DNAH1: variants seen among roughly 807,000 people sequenced by gnomAD.
The protein encoded by DNAH1 is dynein axonemal heavy chain 1, also known as axonemal beta dynein heavy chain 1.
In DNAH1, 327 loss-of-function variants were observed where a neutral mutation model predicts 484.3. That is an observed-to-expected ratio of 0.68 (90% CI 0.62 to 0.74). The LOEUF (loss-of-function observed/expected upper bound fraction) is 0.74. DNAH1 is among the 30% of genes least tolerant of loss of function. DNAH1 has a pLI of 0.00. For missense variants in DNAH1, 5,052 were observed against 5,546.8 expected, an observed-to-expected ratio of 0.91 and a Z score of 2.83; for synonymous variants, 2,192 against 2,191.9, an observed-to-expected ratio of 1.00 and a Z score of 0.00.
chr3:52,382,198 T>C (rs1040150377), intron 49 of DNAH1, 122 bp from the exon 50 acceptor site: 2 of 1,519,580 alleles, frequency 1.3e-6, no homozygotes, highest in Admixed American at 1.8e-5. Context: ...CTGAAGGGTC[T>C]GCAGGTCTGC....
rs1469583873 is a variant in DNAH1, at chr3:52,385,325, C to T, written c.8515-12C>T. 1.3e-6 allele frequency: 2 copies of T among 1,551,376 alleles called. No homozygotes were observed. Among genetic ancestry groups the T allele is most frequent in the Non-Finnish European group, 1.7e-6 (2 of 1,146,704 alleles). ...GCCACACCTGTTTTCCTGTCTCTGC[C>T]CTGACCCCTAGCTGCTGCGCACTTC... On this transcript the variant is annotated splice_polypyrimidine_tract_variant and intron_variant, in intron 53 of 77. Transcript: ENST00000420323.
In DNAH1 at chr3:52,326,346, G is replaced by A. The variant is rs199966822; in HGVS notation, c.581+32G>A. ...CTGGGTGGGCTGTGGGGAGACTGTC[G>A]GGGAGGTGGCATCCACCCGCCTCAG... On this transcript the variant is annotated intron_variant, in intron 4 of 77. Coordinates refer to ENST00000420323, the MANE Select transcript of DNAH1 (RefSeq NM_015512.5). 7.8e-3 allele frequency: 12,362 copies of A among 1,585,854 alleles called. 56 individuals carry two copies. Among genetic ancestry groups the A allele is most frequent in the Non-Finnish European group, 9.7e-3 (11,297 of 1,170,562 alleles).
Position 52,368,685 on chromosome 3 carries a change from G to C in DNAH1, c.5766-56G>C, listed in dbSNP as rs988542728. 6.7e-5 allele frequency: 106 copies of C among 1,571,958 alleles called. No individual in the cohort carries two copies. Among genetic ancestry groups the C allele is most frequent in the Non-Finnish European group, 8.7e-5 (100 of 1,151,752 alleles). ...GGCCAGGCTTCCCTGGGAGCCAGCT[G>C]TGCTCGAAGCACCGCCTCCCTGATG... On this transcript the variant is annotated intron_variant, in intron 36 of 77. Transcript: ENST00000420323. The surrounding 1 kb of genome is among the most constrained non-coding windows in gnomAD (Gnocchi z 4.4).
chr3:52,311,259 G>C, the DNAH1 span, among the ~76,000 whole-genome samples: 1 of 152,216 alleles, frequency 6.6e-6, no homozygotes, highest in Non-Finnish European at 1.5e-5. Context: ...GCCTCCAGGA[G>C]GTCTGGCTCT....
chr3:52,388,741 G>C (rs776382983), intron 58 of DNAH1, 65 bp from the exon 59 acceptor site: 3 of 1,606,428 alleles, frequency 1.9e-6, no homozygotes, highest in Non-Finnish European at 2.5e-6. Flanking sequence ...GCCACAGTGG[G>C]TAGGGCCAGC....
chr3:52,381,713 T>C lies in DNAH1; in HGVS notation c.7682T>C (p.Phe2561Ser). The C allele has an allele frequency of 6.2e-7, 1 of 1,606,720 alleles. No homozygotes were observed. Among genetic ancestry groups the C allele is most frequent in the Non-Finnish European group, 8.5e-7 (1 of 1,177,216 alleles). ...INTAKLKLVL[F>S]MDAMSHICRI... ...ACGGCCAAGCTGAAGCTGGTCCTCT[T>C]CATGGACGCCATGAGCCACATCTGT... The change falls in exon 49 of 78, where the codon TTC (phenylalanine) becomes TCC (serine). Residue 2561 changes from phenylalanine (F) to serine (S), a missense_variant. Physicochemically the swap from Phe to Ser is radical, Grantham distance 155. Transcript: ENST00000420323. The surrounding 1 kb of genome is among the most constrained non-coding windows in gnomAD (Gnocchi z 4.1).
At chr3:52,392,376 A>C in intron 63 of DNAH1, 88 bp from the exon 64 acceptor site, 1 of 1,235,234 alleles carries the variant, frequency 8.1e-7, no homozygotes, top group Non-Finnish European at 1.2e-6. Flanking sequence ...GGAGCCCCAG[A>C]AGCACAGGTG....
In DNAH1 at chr3:52,353,660, A is replaced by T. The variant is rs1224773327; in HGVS notation, c.3480+27A>T. On this transcript the variant is annotated intron_variant, in intron 20 of 77. Transcript: ENST00000420323. The surrounding 1 kb of genome is among the most constrained non-coding windows in gnomAD (Gnocchi z 5.0). The stretch of plus-strand genomic sequence containing the variant: ...TGGGTAGCCACCAGCGGGCCCAGCC[A>T]CTCCAGCCAGGCCCTGCCGGACAGC... 1 of 1,562,662 alleles carries T rather than the reference A, an allele frequency of 6.4e-7. No individual in the cohort carries two copies. Among genetic ancestry groups the T allele is most frequent in the South Asian group, 1.2e-5 (1 of 85,008 alleles).
In DNAH1 at chr3:52,350,026, A is replaced by T. The variant is rs182519456; in HGVS notation, c.2564A>T (p.Tyr855Phe). The change falls in exon 15 of 78, where the codon TAT becomes TTT. Residue 855 changes from tyrosine to phenylalanine, a missense_variant. This residue lies in a region of DNAH1 where 1,263 missense variants were observed against 1,218.8 expected (regional missense o/e 1.04). Transcript: ENST00000420323. Reference sequence around the variant, plus strand: ...TTCCGCAGCATCAGCCGCAAGATCTATGAGAAGCCCAACAGCATTGAGGAG... The same window carrying T: ...TTCCGCAGCATCAGCCGCAAGATCTTTGAGAAGCCCAACAGCATTGAGGAG... ...EEFRSISRKI[Y>F]EKPNSIEELA... 5 of 1,613,146 alleles carry T rather than the reference A, an allele frequency of 3.1e-6. No homozygotes were observed. Among genetic ancestry groups the T allele is most frequent in the African/African-American group, 1.3e-5 (1 of 74,918 alleles).
rs898996313 is a variant in DNAH1, at chr3:52,355,291, G to T, written c.3693+236G>T. ...GATGAGGCAGATAAGGGTGCGTAGG[G>T]GCAGCATTTGGGTCCCAAAATGTGG... is the stretch of plus-strand genomic sequence containing the variant. On this transcript the variant is annotated intron_variant, in intron 21 of 77. Transcript: ENST00000420323. The surrounding 1 kb of genome is among the most constrained non-coding windows in gnomAD (Gnocchi z 4.5). Among the ~76,000 whole-genome samples, 1 of 152,218 alleles carries T rather than the reference G, an allele frequency of 6.6e-6. No homozygotes were observed. The highest frequency in any genetic ancestry group is 1.5e-5 in the Non-Finnish European group (1 of 68,042).
At chr3:52,334,945 G>GCCCGCCA (rs1394236163) in intron 8 of DNAH1, among the ~76,000 whole-genome samples, 1 of 151,350 alleles carries the variant, frequency 6.6e-6, no homozygotes, top group Non-Finnish European at 1.5e-5. Context: ...GCCCCCCGGC[G>GCCCGCCA]CCCGCCACCA....
intron 6 of DNAH1, 144 bp downstream of exon 6, chr3:52,328,158 C>G (rs1307208861): frequency 1.8e-6 from 2 of 1,113,752 alleles, no homozygotes; most frequent in Non-Finnish European, 2.5e-6. Flanking sequence ...GGCCTAGAAG[C>G]TGGCCTCACA....
chr3:52,374,545 G>A (rs1447595502), intron 44 of DNAH1: 29 of 1,498,106 alleles, frequency 1.9e-5, no homozygotes, highest in South Asian at 6.8e-5. Flanking sequence ...CCCCTCTTCC[G>A]GCAGTTGGCC....
Position 52,393,007 on chromosome 3 carries a change from G to A in DNAH1, c.10456G>A (p.Ala3486Thr), listed in dbSNP as rs769331289. The change falls in exon 65 of 78, where the codon GCC becomes ACC. Residue 3486 changes from alanine to threonine, a missense_variant. By Grantham distance (58) the Ala-to-Thr change is moderately conservative. Transcript: ENST00000420323. The stretch of plus-strand genomic sequence containing the variant: ...TCTCAACATCTTCCTCTCGGGCATC[G>A]CCAACTCAGAGAGAGCAGGTAGCAC... ...WFLNIFLSGI[A>T]NSERADNLKK... The A allele has an allele frequency of 5.0e-6, 8 of 1,613,364 alleles. No homozygotes were observed. The highest frequency in any genetic ancestry group is 2.2e-5 in the South Asian group (2 of 91,044).
intron 66 of DNAH1, 97 bp downstream of exon 66, chr3:52,393,582 G>T (rs1374166737): frequency 2.0e-6 from 3 of 1,536,506 alleles, no homozygotes; most frequent in Non-Finnish European, 2.7e-6. Flanking sequence ...AGGCATGAAG[G>T]CACCGCGAGA....
In DNAH1 at chr3:52,352,699, A is replaced by G. The variant is rs530711665; in HGVS notation, c.3019A>G (p.Ile1007Val). Residue 1007 changes from isoleucine (I) to valine (V), a missense_variant, in exon 18 of 78, where the codon ATC becomes GTC. Coordinates refer to ENST00000420323, the MANE Select transcript of DNAH1 (RefSeq NM_015512.5). ...NNRERIFSLP[I>V]TNYDKLSRMV... ...CCGCGAGCGCATCTTCAGCTTGCCC[A>G]TCACCAATGTAGGCCTCCTGCAGGC... 18 of 1,611,522 alleles carry G rather than the reference A, an allele frequency of 1.1e-5. No homozygotes were observed. Among genetic ancestry groups the G allele is most frequent in the Non-Finnish European group, 1.5e-5 (18 of 1,178,564 alleles).
intron 3 of DNAH1, among the ~76,000 whole-genome samples, chr3:52,325,693 A>T (rs939521129): frequency 6.6e-6 from 1 of 152,156 alleles, no homozygotes; most frequent in Non-Finnish European, 1.5e-5. Context: ...AGTATCCAGG[A>T]TGCCTCAAGC....
Position 52,353,958 on chromosome 3 carries a change from T to A in DNAH1, c.3480+325T>A. On this transcript the variant is annotated intron_variant, in intron 20 of 77. Coordinates refer to ENST00000420323, the MANE Select transcript of DNAH1 (RefSeq NM_015512.5). This position sits in a 1 kb window ranked among gnomAD's most constrained non-coding sequence, Gnocchi z 5.0. ...TGTAAATCCCAGCACTTTGGGAGGA[T>A]GAGGAGGAAGGATCGCTTGAGCCCA... 3.1e-6 allele frequency: 1 copy of A among 324,834 alleles called. No individual in the cohort carries two copies. The highest frequency in any genetic ancestry group is 4.6e-5 in the Admixed American group (1 of 21,716). 20.1% of individuals were successfully genotyped at this position (324,834 alleles called of 1,614,324 possible). A position where few individuals can be genotyped will look rare whatever the true frequency, so the allele number is the denominator to read the frequency against.
intron 8 of DNAH1, among the ~76,000 whole-genome samples, chr3:52,335,297 C>A (rs537406420): frequency 7.2e-6 from 1 of 138,894 alleles, no homozygotes; most frequent in African/African-American, 2.7e-5. Context: ...CCTCGTGATC[C>A]ACCTGCCTCA....
Sources: allele counts gnomAD v4.1 joint callset (sites outside exome capture counted in the v4.1 genomes callset), GRCh38; gene constraint gnomAD v4.1.1; regional missense constraint gnomAD v4.1.1; non-coding constraint Gnocchi (gnomAD v3.1); transcripts MANE v1.5; gene names NCBI Gene and HGNC (gene_info 2026-07-23, HGNC 2026-07-21).